The following SHISA9 variants were observed in gnomAD, a reference collection of about 807,000 sequenced individuals.
SHISA9 encodes the protein protein shisa-9.
In SHISA9, 13 loss-of-function variants were observed where a neutral mutation model predicts 38.0. That is an observed-to-expected ratio of 0.34 (90% CI 0.22 to 0.54). The LOEUF (loss-of-function observed/expected upper bound fraction) is 0.54, where lower values mean the gene tolerates loss of function less well. Ranked by LOEUF, SHISA9 falls within the 20% of genes least tolerant of loss-of-function variation. The pLI, the probability that SHISA9 is intolerant of heterozygous loss-of-function variation, is 0.91. For missense variants in SHISA9, 538 were observed against 575.8 expected (o/e 0.93, Z 0.67); for synonymous variants, 275 against 242.0 (o/e 1.14, Z -1.27).
At chr16:13,407,457 G>C in the SHISA9 span, among the ~76,000 whole-genome samples, 3 of 152,102 alleles carry the variant, frequency 2.0e-5, no homozygotes, top group African/African-American at 7.2e-5. Flanking sequence ...ACCCCAAAAG[G>C]CCTCACCTCC....
chr16:13,535,449 T>G, the SHISA9 span, among the ~76,000 whole-genome samples: 1 of 152,160 alleles, frequency 6.6e-6, no homozygotes, highest in Non-Finnish European at 1.5e-5. Flanking sequence ...TCTTATAGCC[T>G]AAGCCAGGGA....
chr16:13,423,964 C>A, the SHISA9 span, among the ~76,000 whole-genome samples: 1 of 152,184 alleles, frequency 6.6e-6, no homozygotes, highest in Non-Finnish European at 1.5e-5. Context: ...TCAGGAAGAG[C>A]TCTGTCCCTT....
intron 2 of SHISA9, among the ~76,000 whole-genome samples, chr16:13,013,200 C>G (rs749195291): frequency 7.2e-5 from 11 of 152,188 alleles, no homozygotes; most frequent in South Asian, 2.1e-4. Flanking sequence ...GTGCTCGGTG[C>G]TAATGAGCTC....
chr16:13,049,269 T>C (rs540673176), intron 2 of SHISA9, among the ~76,000 whole-genome samples: 1 of 152,068 alleles, frequency 6.6e-6, no homozygotes, highest in Non-Finnish European at 1.5e-5. Flanking sequence ...CTCATAGATA[T>C]CTAGGATTCA....
intron 2 of SHISA9, among the ~76,000 whole-genome samples, chr16:12,973,130 C>G (rs2141814003): frequency 6.6e-6 from 1 of 152,196 alleles, no homozygotes; most frequent in South Asian, 2.1e-4. Context: ...CTCCGCTCCC[C>G]CCACACAAAA....
intron 2 of SHISA9, among the ~76,000 whole-genome samples, chr16:13,023,462 T>G (rs778907751): frequency 6.6e-6 from 1 of 152,216 alleles, no homozygotes; most frequent in Admixed American, 6.5e-5. Context: ...CTATTGTGAA[T>G]AGTGCCGCAA....
At chr16:13,454,895 C>G in the SHISA9 span, among the ~76,000 whole-genome samples, 1 of 152,214 alleles carries the variant, frequency 6.6e-6, no homozygotes, top group Non-Finnish European at 1.5e-5. Flanking sequence ...AGGGCAGTCT[C>G]ATGGCCAGAC....
chr16:13,181,312 T>TACACACACAC (rs1217237745), intron 2 of SHISA9, among the ~76,000 whole-genome samples: 2 of 34,104 alleles, frequency 5.9e-5, no homozygotes, highest in African/African-American at 1.2e-4. Context: ...TATATATATA[T>TACACACACAC]ACACACACAC....
At chr16:13,177,463 AC>A (rs2050741248) in intron 2 of SHISA9, among the ~76,000 whole-genome samples, 1 of 152,156 alleles carries the variant, frequency 6.6e-6, no homozygotes, top group Admixed American at 6.5e-5. Flanking sequence ...GGGGAAAAAA[AC>A]ATTCAGTTCT....
downstream of SHISA9, among the ~76,000 whole-genome samples, chr16:13,243,636 T>C (rs2051451004): frequency 6.6e-6 from 1 of 152,106 alleles, no homozygotes; most frequent in Non-Finnish European, 1.5e-5. Context: ...AAATGTTTCT[T>C]ATCAGACTTA....
At chr16:13,023,267 G>C (rs2072879773) in intron 2 of SHISA9, among the ~76,000 whole-genome samples, 1 of 152,168 alleles carries the variant, frequency 6.6e-6, no homozygotes, top group South Asian at 2.1e-4. Context: ...AGAACATGCG[G>C]TGTTTGGTTT....
At chr16:13,256,499 C>T in the SHISA9 span, among the ~76,000 whole-genome samples, 4 of 152,148 alleles carry the variant, frequency 2.6e-5, no homozygotes, top group African/African-American at 9.7e-5. Context: ...AGGCTGGTCT[C>T]GAACTCCCAA....
rs2051027277 is a variant in SHISA9 at position 13,203,521 on chromosome 16, C to G, written c.819C>G (p.Leu273=). Residue 273 remains leucine, a synonymous_variant, in exon 3 of 5, where the codon CTC becomes CTG. Coordinates refer to ENST00000558583, the MANE Select transcript of SHISA9 (RefSeq NM_001145204.3). ...AACAGCAGCCACCAGGAAAAGAGCT[C>G]AACAAGTACGCCTCCTTAAAGGCAG... The part of the protein sequence containing the change: ...PYEQQPPGKE[L]NKYASLKAVG... The G allele has an allele frequency of 6.5e-7, 1 of 1,544,662 alleles. No homozygotes were observed. Among genetic ancestry groups the G allele is most frequent in the Non-Finnish European group, 8.7e-7 (1 of 1,143,848 alleles).
chr16:13,250,881 A>G, the SHISA9 span, among the ~76,000 whole-genome samples: 8 of 152,250 alleles, frequency 5.3e-5, no homozygotes, highest in South Asian at 1.2e-3. Context: ...ACCATGATTC[A>G]GATGCTCTGT....
At chr16:13,549,289 C>T in the SHISA9 span, among the ~76,000 whole-genome samples, 8 of 152,064 alleles carry the variant, frequency 5.3e-5, no homozygotes, top group Admixed American at 3.9e-4. Context: ...TTCTGGTGTG[C>T]TATTGCACAG....
the SHISA9 span, among the ~76,000 whole-genome samples, chr16:13,560,602 A>G: frequency 6.6e-6 from 1 of 152,148 alleles, no homozygotes; most frequent in South Asian, 2.1e-4. Flanking sequence ...TGCTGCACAT[A>G]TTATTGCTCC....
rs1371386187 is a variant in SHISA9, at chr16:13,238,560, A to G, written c.*3151A>G. ...GCTCCTTCTCCTCTGAATAAACTTC[A>G]TCAATTGAACTGGGCTCCTTGGGGT... On this transcript the variant is annotated 3_prime_UTR_variant, in exon 5 of 5. Transcript: ENST00000558583. The G allele has an allele frequency of 1.3e-5, 2 of 152,120 alleles. No individual in the cohort carries two copies. Among genetic ancestry groups the G allele is most frequent in the Non-Finnish European group, 2.9e-5 (2 of 68,046 alleles). 9.4% of individuals were successfully genotyped at this position (152,120 alleles called of 1,614,324 possible).
At chr16:13,474,722 G>T in the SHISA9 span, among the ~76,000 whole-genome samples, 1 of 152,226 alleles carries the variant, frequency 6.6e-6, no homozygotes, top group South Asian at 2.1e-4. Context: ...GCTCACTGGG[G>T]AAGGCCTCTC....
chr16:13,069,889 T>C (rs1342244613), intron 2 of SHISA9, among the ~76,000 whole-genome samples: 3 of 152,150 alleles, frequency 2.0e-5, no homozygotes, highest in Non-Finnish European at 2.9e-5. Context: ...GAGGTGTCTA[T>C]GAGGAATGAG....
Sources: gnomAD v4.1 joint callset for allele counts (sites outside exome capture counted in the v4.1 genomes callset) on GRCh38, gnomAD v4.1.1 for gene constraint, MANE v1.5 for transcripts, NCBI Gene and HGNC (gene_info 2026-07-23, HGNC 2026-07-21) for gene names.